RUNX1: variants seen among roughly 807,000 people sequenced by gnomAD.
RUNX1 encodes runt-related transcription factor 1.
Under a neutral mutation model 42.8 loss-of-function variants are expected in RUNX1, and 19 were observed. The ratio of observed to expected loss-of-function variants is 0.44; its 90% CI spans 0.31 to 0.65. The LOEUF is 0.65. Among genes scored for constraint, RUNX1 ranks in the 30% least tolerant of loss-of-function variants. RUNX1 has a pLI of 0.07. For synonymous variants in RUNX1, 271 were observed against 289.4 expected, an observed-to-expected ratio of 0.94 and a Z score of 0.64; for missense variants, 528 against 672.0, an observed-to-expected ratio of 0.79 and a Z score of 2.37.
chr21:34,838,742 T>G (rs1025595528), intron 6 of RUNX1, among the ~76,000 whole-genome samples: 1 of 152,118 alleles, frequency 6.6e-6, no homozygotes, highest in Admixed American at 6.5e-5. Flanking sequence ...AACCTTTAGG[T>G]TGCAGGGTCA....
At chr21:35,033,134 T>C (rs1450171273) in intron 2 of RUNX1, among the ~76,000 whole-genome samples, 2 of 152,044 alleles carry the variant, frequency 1.3e-5, no homozygotes, top group African/African-American at 4.8e-5. Flanking sequence ...CATTCATTCA[T>C]TCATTCAACT....
chr21:34,841,278 C>G (rs1010712630), intron 6 of RUNX1, among the ~76,000 whole-genome samples: 1 of 151,970 alleles, frequency 6.6e-6, no homozygotes, highest in Non-Finnish European at 1.5e-5. Flanking sequence ...CCCTAGGATA[C>G]CTCCACTTCC....
At chr21:34,878,015 C>T (rs2057839191) in intron 5 of RUNX1, among the ~76,000 whole-genome samples, 3 of 152,150 alleles carry the variant, frequency 2.0e-5, no homozygotes, top group African/African-American at 7.2e-5. Flanking sequence ...TATTTTCAAG[C>T]ACATTTTCAA....
intron 7 of RUNX1, among the ~76,000 whole-genome samples, chr21:34,832,676 A>G (rs2057080270): frequency 6.6e-6 from 1 of 152,306 alleles, no homozygotes; most frequent in Non-Finnish European, 1.5e-5. Context: ...GAAGCAAAGT[A>G]TTGTTTTGCC....
intron 2 of RUNX1, among the ~76,000 whole-genome samples, chr21:34,958,168 T>C (rs17227139): frequency 0.012 from 1,869 of 152,194 alleles, 15 homozygotes; most frequent in Non-Finnish European, 0.019. Flanking sequence ...ACAGTGCCCA[T>C]TACTGAGCAA....
rs2059419426 is a variant in RUNX1, at chr21:35,048,877, T to C, written c.23A>G (p.Glu8Gly). The change falls in exon 2 of 9, where the codon GAG becomes GGG. Residue 8 changes from glutamate to glycine, a missense_variant. Physicochemically the swap from Glu to Gly is moderately conservative, Grantham distance 98. This residue lies in a region of RUNX1 where 114 missense variants were observed against 115.0 expected (regional missense o/e 0.99). Transcript: ENST00000675419. MASDSIF[E>G]SFPSYPQCFM... Reference sequence around the variant, plus strand: ...GCACTGTGGGTACGAAGGAAATGACTCAAATATGCTGTCTGAAGCCATCGC... The same window carrying C: ...GCACTGTGGGTACGAAGGAAATGACCCAAATATGCTGTCTGAAGCCATCGC... The C allele has an allele frequency of 6.2e-7, 1 of 1,613,958 alleles. No homozygotes were observed. The highest frequency in any genetic ancestry group is 8.5e-7 in the Non-Finnish European group (1 of 1,179,912).
At chr21:34,868,762 C>G (rs2057697972) in intron 5 of RUNX1, among the ~76,000 whole-genome samples, 1 of 152,164 alleles carries the variant, frequency 6.6e-6, no homozygotes, top group Non-Finnish European at 1.5e-5. Flanking sequence ...CTTACTAGCC[C>G]CCAAGGCTGT....
intron 2 of RUNX1, among the ~76,000 whole-genome samples, chr21:35,009,507 A>T (rs2059110194): frequency 6.6e-6 from 1 of 152,218 alleles, no homozygotes; most frequent in Admixed American, 6.5e-5. Flanking sequence ...TTAATTACAC[A>T]TTATTATATT....
At chr21:34,810,456 C>A (rs1030426090) in intron 7 of RUNX1, among the ~76,000 whole-genome samples, 3 of 152,186 alleles carry the variant, frequency 2.0e-5, no homozygotes, top group African/African-American at 7.2e-5. Context: ...CATAAAGATG[C>A]TTTTGTTTGT....
chr21:34,835,411 C>T (rs2057131964), intron 6 of RUNX1, among the ~76,000 whole-genome samples: 1 of 151,624 alleles, frequency 6.6e-6, no homozygotes, highest in Admixed American at 6.6e-5. Context: ...GGATGATGGG[C>T]CCCTCAGTGT....
intron 6 of RUNX1, among the ~76,000 whole-genome samples, chr21:34,847,291 AATGGAAAAAGGTAAAATTTCTAAAAGT>A (rs1423560666): frequency 1.1e-4 from 17 of 152,226 alleles, no homozygotes; most frequent in Admixed American, 2.6e-4. Context: ...AAGATATGTG[AATGGAAAAAGGTAAAATTTCTAAAAGT>A]ATGGATTCAC....
At chr21:34,821,156 C>A (rs1414896434) in intron 7 of RUNX1, 3 of 944,708 alleles carry the variant, frequency 3.2e-6, no homozygotes, top group African/African-American at 3.5e-5. Flanking sequence ...CTGGGGCTCC[C>A]GAGGAATAAG....
In RUNX1 at chr21:35,048,860, G is replaced by A; in HGVS notation, c.40C>T (p.Pro14Ser). 2 of 1,613,798 alleles carry A rather than the reference G, an allele frequency of 1.2e-6. No individual in the cohort carries two copies. Among genetic ancestry groups the A allele is most frequent in the Non-Finnish European group, 1.7e-6 (2 of 1,179,786 alleles). The part of the protein sequence containing the change: ...DSIFESFPSY[P>S]QCFMRECILG... ...TACTCACCTCTCATGAAGCACTGTG[G>A]GTACGAAGGAAATGACTCAAATATG... Residue 14 changes from proline (P) to serine (S), a missense_variant, in exon 2 of 9, where the codon CCA becomes TCA. Pro to Ser is a moderately conservative substitution (Grantham distance 74). Transcript: ENST00000675419.
At chr21:34,828,187 A>G (rs1015547087) in intron 7 of RUNX1, among the ~76,000 whole-genome samples, 1 of 152,268 alleles carries the variant, frequency 6.6e-6, no homozygotes, top group African/African-American at 2.4e-5. Context: ...CATTGTATCC[A>G]GAAGGCAGAA....
intron 2 of RUNX1, among the ~76,000 whole-genome samples, chr21:34,893,405 T>C (rs1325957431): frequency 6.6e-6 from 1 of 152,198 alleles, no homozygotes; most frequent in Non-Finnish European, 1.5e-5. Flanking sequence ...CCCTGCTTAC[T>C]CTCCTTCCCT....
At chr21:34,814,932 T>A (rs1356996376) in intron 7 of RUNX1, among the ~76,000 whole-genome samples, 1 of 152,112 alleles carries the variant, frequency 6.6e-6, no homozygotes, top group Non-Finnish European at 1.5e-5. Flanking sequence ...TGACTCTCTC[T>A]CTCTCATTGA....
At chr21:34,955,733 T>G (rs560317662) in intron 2 of RUNX1, among the ~76,000 whole-genome samples, 22 of 152,324 alleles carry the variant, frequency 1.4e-4, no homozygotes, top group African/African-American at 4.8e-4. Context: ...TATAAAATTG[T>G]GGTTGAATGG....
intron 2 of RUNX1, among the ~76,000 whole-genome samples, chr21:35,016,680 T>C (rs972180486): frequency 9.2e-5 from 14 of 152,130 alleles, no homozygotes; most frequent in Non-Finnish European, 1.5e-5. Context: ...AGTCATTTGA[T>C]ACCCCATTTC....
chr21:34,977,833 G>A (rs2058814458), intron 2 of RUNX1, among the ~76,000 whole-genome samples: 1 of 152,194 alleles, frequency 6.6e-6, no homozygotes, highest in African/African-American at 2.4e-5. Flanking sequence ...TGCTATGTAA[G>A]GAAGGTAACT....
Sources: allele counts gnomAD v4.1 joint callset (sites outside exome capture counted in the v4.1 genomes callset), GRCh38; gene constraint gnomAD v4.1.1; regional missense constraint gnomAD v4.1.1; transcripts MANE v1.5; gene names NCBI Gene and HGNC (gene_info 2026-07-23, HGNC 2026-07-21).